The following MDFIC variants were observed in gnomAD, a reference collection of about 807,000 sequenced individuals.
The protein encoded by MDFIC is myoD family inhibitor domain-containing protein.
MDFIC carries 17 observed loss-of-function variants against 23.2 expected under a neutral mutation model. That is an observed-to-expected ratio of 0.73 (90% confidence interval 0.50 to 1.10). MDFIC has a LOEUF of 1.10. Among genes scored for constraint, MDFIC ranks in the 50% least tolerant of loss-of-function variants. The probability of loss-of-function intolerance (pLI) is 0.00; values close to 1 mark genes in which losing one functional copy is unlikely to be tolerated. For synonymous variants in MDFIC, 120 were observed against 115.2 expected (o/e 1.04, Z -0.27); for missense variants, 356 against 316.6 (o/e 1.12, Z -0.95).
chr7:114,927,138 T>C (rs1792208043), intron 2 of MDFIC, among the ~76,000 whole-genome samples: 1 of 152,170 alleles, frequency 6.6e-6, no homozygotes, highest in Non-Finnish European at 1.5e-5. Context: ...GAAACTGCTA[T>C]CCTTGAGGCA....
Position 114,938,523 on chromosome 7 carries a change from A to G in MDFIC, c.95-3752A>G, listed in dbSNP as rs1396330800. 2.6e-5 allele frequency among the ~76,000 whole-genome samples: 4 copies of G among 152,092 alleles called. No individual in the cohort carries two copies. The East Asian group carries it at 7.7e-4, about 29-fold the overall frequency. The stretch of plus-strand genomic sequence containing the variant: ...TGACATCACTGCCCCAGCCCCATAC[A>G]CACTTGAGTTGAAATCTCTTAGGTT... On this transcript the variant is annotated intron_variant, in intron 2 of 4. Transcript: ENST00000393486.
chr7:114,977,991 C>A (rs962251720), intron 3 of MDFIC, among the ~76,000 whole-genome samples: 4 of 146,294 alleles, frequency 2.7e-5, no homozygotes, highest in African/African-American at 7.5e-5. Flanking sequence ...TTGATATAAC[C>A]ATTAATATTT....
At chr7:115,007,823 A>C (rs1791602940) in intron 4 of MDFIC, among the ~76,000 whole-genome samples, 1 of 137,884 alleles carries the variant, frequency 7.3e-6, no homozygotes, top group South Asian at 2.5e-4. Context: ...CCTCCCCAAA[A>C]TAGCTGGGAC....
rs1215387937 is a variant in MDFIC, at chr7:115,014,128, A to G, written c.494-1560A>G. On this transcript the variant is annotated intron_variant, in intron 4 of 4. Transcript: ENST00000393486. ...TTTCACCATCTGCCAAGTGGAGTGT[A>G]TGACTTTGTGTTTCCACATTTTCTC... 4.1e-6 allele frequency: 4 copies of G among 985,232 alleles called. No homozygotes were observed. The African/African-American group carries it at 7.0e-5, about 17-fold the overall frequency. The allele number at this position is 985,232 out of a possible 1,614,324, so 61.0% of individuals were successfully genotyped here. A position where few individuals can be genotyped will look rare whatever the true frequency, so the allele number is the denominator to read the frequency against.
chr7:114,956,358 C>T (rs34327942), intron 3 of MDFIC, among the ~76,000 whole-genome samples: 7,790 of 149,594 alleles, frequency 0.052, 245 homozygotes, highest in Non-Finnish European at 0.08. Flanking sequence ...TACACACACA[C>T]ATATATATAT....
In MDFIC at chr7:115,018,849, A is replaced by G. The variant is rs1031825362; in HGVS notation, c.*2914A>G. 3 of 151,966 alleles carry G rather than the reference A, an allele frequency of 2.0e-5. No homozygotes were observed. Among genetic ancestry groups the G allele is most frequent in the African/African-American group, 7.2e-5 (3 of 41,432 alleles). 9.4% of individuals were successfully genotyped at this position (151,966 alleles called of 1,614,324 possible). ...TTAAAATCTGAAGGTTATCTTTATC[A>G]TGTTTCATCCCTGTCTGAAGATTTC... On this transcript the variant is annotated 3_prime_UTR_variant, in exon 5 of 5. Transcript: ENST00000393486.
chr7:114,961,869 G>A lies in MDFIC; in HGVS notation c.218-17637G>A, dbSNP rs915773418. ...GATTACAATTTAACATGAGATTTGG[G>A]CAGGGACACAAATCCAAACCATGTC... On this transcript the variant is annotated intron_variant, in intron 3 of 4. Coordinates refer to ENST00000393486, the MANE Select transcript of MDFIC (RefSeq NM_001166345.3). 3.9e-5 allele frequency among the ~76,000 whole-genome samples: 6 copies of A among 152,106 alleles called. No individual in the cohort carries two copies. The East Asian group carries it at 1.2e-3, about 29-fold the overall frequency.
chr7:114,954,966 A>G (rs1405150156), intron 3 of MDFIC, among the ~76,000 whole-genome samples: 1 of 152,016 alleles, frequency 6.6e-6, no homozygotes, highest in Non-Finnish European at 1.5e-5. Flanking sequence ...AGTCTCTCAG[A>G]TGCCACTGGG....
At chr7:114,989,914 G>A (rs1793576237) in intron 4 of MDFIC, among the ~76,000 whole-genome samples, 1 of 152,094 alleles carries the variant, frequency 6.6e-6, no homozygotes, top group South Asian at 2.1e-4. Flanking sequence ...ATCACAAATT[G>A]ATTAAAATCG....
chr7:114,970,498 C>T lies in MDFIC; in HGVS notation c.218-9008C>T, dbSNP rs191555668. On this transcript the variant is annotated intron_variant, in intron 3 of 4. Coordinates refer to ENST00000393486, the MANE Select transcript of MDFIC (RefSeq NM_001166345.3). ...CTCTGGTCCCTTGCTTTACCACTTT[C>T]GTTTTTGGGCTCTGGGCTATCCATA... Among the ~76,000 whole-genome samples the T allele has an allele frequency of 9.9e-5, 15 of 152,226 alleles. No individual in the cohort carries two copies. In the East Asian group the frequency reaches 2.7e-3, roughly 27 times the overall value.
At chr7:115,011,469 TA>T (rs1401792686) in intron 4 of MDFIC, among the ~76,000 whole-genome samples, 1 of 152,180 alleles carries the variant, frequency 6.6e-6, no homozygotes, top group Non-Finnish European at 1.5e-5. Context: ...CCCATTCTAG[TA>T]AAGCAACCAC....
intron 4 of MDFIC, among the ~76,000 whole-genome samples, chr7:114,994,465 C>A (rs951059869): frequency 6.6e-6 from 1 of 152,284 alleles, no homozygotes; most frequent in South Asian, 2.1e-4. Context: ...TACAATTTGG[C>A]ATGTTTTTGC....
chr7:115,006,348 A>G (rs2116108281), intron 4 of MDFIC, among the ~76,000 whole-genome samples: 1 of 152,250 alleles, frequency 6.6e-6, no homozygotes, highest in South Asian at 2.1e-4. Context: ...TAAAGACCTT[A>G]TGTCCTAGGT....
intron 2 of MDFIC, among the ~76,000 whole-genome samples, chr7:114,925,113 AT>A (rs1792163448): frequency 6.6e-6 from 1 of 152,196 alleles, no homozygotes; most frequent in Non-Finnish European, 1.5e-5. Context: ...GAAAAGTGGA[AT>A]TTTAAATACA....
chr7:115,001,453 A>T (rs1456523501), intron 4 of MDFIC, among the ~76,000 whole-genome samples: 4 of 152,208 alleles, frequency 2.6e-5, no homozygotes, highest in Non-Finnish European at 5.9e-5. Context: ...AATTATGCTC[A>T]GGGAAGGATG....
At chr7:114,948,047 A>G (rs767816404) in intron 3 of MDFIC, among the ~76,000 whole-genome samples, 4 of 152,186 alleles carry the variant, frequency 2.6e-5, no homozygotes, top group Non-Finnish European at 4.4e-5. Flanking sequence ...ATTGTCTACA[A>G]CAATAACCAG....
chr7:114,954,140 A>G (rs975047480), intron 3 of MDFIC, among the ~76,000 whole-genome samples: 4 of 152,204 alleles, frequency 2.6e-5, no homozygotes, highest in Non-Finnish European at 5.9e-5. Context: ...TCCACCCTGC[A>G]CAACATATTG....
In MDFIC at chr7:114,979,972, C is replaced by T. The variant is rs916566091; in HGVS notation, c.493+191C>T. On this transcript the variant is annotated intron_variant, in intron 4 of 4. Coordinates refer to ENST00000393486, the MANE Select transcript of MDFIC (RefSeq NM_001166345.3). Reference sequence around the variant, plus strand: ...AAAAGGAAGCAGTGGCAGCTGACATCCTGCTTTTAGATAATCGTCTTCTAG... The same window carrying T: ...AAAAGGAAGCAGTGGCAGCTGACATTCTGCTTTTAGATAATCGTCTTCTAG... 14 of 692,292 alleles carry T rather than the reference C, an allele frequency of 2.0e-5. No homozygotes were observed. The Admixed American group carries it at 3.3e-4, about 16-fold the overall frequency. 42.9% of individuals were successfully genotyped at this position (692,292 alleles called of 1,614,324 possible).
intron 3 of MDFIC, among the ~76,000 whole-genome samples, chr7:114,951,752 G>A (rs1320499500): frequency 6.6e-6 from 1 of 152,080 alleles, no homozygotes; most frequent in Non-Finnish European, 1.5e-5. Flanking sequence ...AAATATCAGG[G>A]TGGGGTACCA....
Sources: allele counts gnomAD v4.1 joint callset (sites outside exome capture counted in the v4.1 genomes callset), GRCh38; gene constraint gnomAD v4.1.1; transcripts MANE v1.5; gene names NCBI Gene and HGNC (gene_info 2026-07-23, HGNC 2026-07-21).